The following RIMS1 variants were observed in gnomAD, a reference collection of about 807,000 sequenced individuals.
The protein encoded by RIMS1 is regulating synaptic membrane exocytosis 1.
A neutral mutation model predicts 214.1 loss-of-function variants in RIMS1; 83 were observed. The observed-to-expected ratio is 0.39, with a 90% CI of 0.32 to 0.47. The LOEUF (loss-of-function observed/expected upper bound fraction) is 0.47. Among genes scored for constraint, RIMS1 ranks in the 20% least tolerant of loss-of-function variants. The pLI, the probability that RIMS1 is intolerant of heterozygous loss-of-function variation, is 0.99. For missense variants in RIMS1, 2,050 were observed against 2,161.8 expected (o/e 0.95, Z 1.03); for synonymous variants, 793 against 786.8 (o/e 1.01, Z -0.13).
intron 30 of RIMS1, among the ~76,000 whole-genome samples, chr6:72,392,205 A>G (rs2098713581): frequency 3.3e-5 from 5 of 152,194 alleles, no homozygotes; most frequent in Admixed American, 3.3e-4. Flanking sequence ...TAACCAATTA[A>G]TTTCCATTGG....
intron 2 of RIMS1, among the ~76,000 whole-genome samples, chr6:71,973,610 T>C (rs145107661): frequency 0.018 from 2,798 of 152,266 alleles, 42 homozygotes; most frequent in Non-Finnish European, 0.029. Flanking sequence ...AGTTTATTCC[T>C]ACCAAGATGT....
chr6:71,949,887 T>C (rs754571263), intron 1 of RIMS1, among the ~76,000 whole-genome samples: 24 of 152,166 alleles, frequency 1.6e-4, no homozygotes, highest in Non-Finnish European at 3.2e-4. Context: ...AATGAAAATA[T>C]ATGCCTTCAC....
At chr6:72,340,137 T>C (rs1215319857) in intron 29 of RIMS1, among the ~76,000 whole-genome samples, 1 of 151,890 alleles carries the variant, frequency 6.6e-6, no homozygotes, top group African/African-American at 2.4e-5. Flanking sequence ...GGGTTGTTTG[T>C]TTTTTTCTTG....
rs180679664 is a variant in RIMS1 at position 72,163,549 on chromosome 6, A to C, written c.472-16026A>C. ...TTGGTCTTTGATGATGGTGATGTAT[A>C]AATGGGTTTTTGGTGTGGATGTCCT... On this transcript the variant is annotated intron_variant, in intron 4 of 33. Coordinates refer to ENST00000521978, the MANE Select transcript of RIMS1 (RefSeq NM_014989.7). 1.1e-3 allele frequency among the ~76,000 whole-genome samples: 150 copies of C among 140,716 alleles called. 28 individuals carry two copies. The highest frequency in any genetic ancestry group is 1.8e-3 in the Admixed American group (25 of 13,778). The allele number at this position is 140,716 out of a possible 152,430, so 92.3% of individuals were successfully genotyped here. A position where few individuals can be genotyped will look rare whatever the true frequency, so the allele number is the denominator to read the frequency against.
chr6:72,224,419 A>G (rs1210726942), intron 6 of RIMS1, among the ~76,000 whole-genome samples: 11 of 152,184 alleles, frequency 7.2e-5, no homozygotes, highest in African/African-American at 2.7e-4. Flanking sequence ...GAAGTCATAT[A>G]TTTAAACAGC....
chr6:72,073,546 C>T (rs905790372), intron 2 of RIMS1, among the ~76,000 whole-genome samples: 3 of 152,186 alleles, frequency 2.0e-5, no homozygotes, highest in Admixed American at 1.3e-4. Context: ...TCTATCTCCA[C>T]CATTTTTCTT....
At chr6:72,358,168 GAAAA>G (rs111829494) in intron 29 of RIMS1, among the ~76,000 whole-genome samples, 1 of 142,410 alleles carries the variant, frequency 7.0e-6, no homozygotes, top group Admixed American at 7.0e-5. Flanking sequence ...AGAACAGAAA[GAAAA>G]AAAAAAGGTG....
intron 28 of RIMS1, among the ~76,000 whole-genome samples, chr6:72,324,031 G>GATAA (rs2154321508): frequency 1.4e-5 from 1 of 70,252 alleles, no homozygotes; most frequent in African/African-American, 6.2e-5. Context: ...TGCATGCATA[G>GATAA]ATAGATAGAT....
At chr6:71,992,394 T>C (rs956510978) in intron 2 of RIMS1, among the ~76,000 whole-genome samples, 3 of 98,012 alleles carry the variant, frequency 3.1e-5, no homozygotes, top group Non-Finnish European at 6.0e-5. Context: ...GCTTCTTTCT[T>C]TCTCTCTCTC....
chr6:72,125,993 A>C (rs1379556512), intron 4 of RIMS1, among the ~76,000 whole-genome samples: 2 of 152,166 alleles, frequency 1.3e-5, no homozygotes, highest in Non-Finnish European at 2.9e-5. Flanking sequence ...CGTGGGCTGC[A>C]CCCACTGTCC....
chr6:72,175,987 T>TA (rs2047649408), intron 4 of RIMS1, among the ~76,000 whole-genome samples: 1 of 152,202 alleles, frequency 6.6e-6, no homozygotes, highest in African/African-American at 2.4e-5. Flanking sequence ...AAAATGCAGT[T>TA]ACAGCAAAAG....
rs1425178453 is a variant in RIMS1 at position 72,352,807 on chromosome 6, G to A, written c.4366+18972G>A. On this transcript the variant is annotated intron_variant, in intron 29 of 33. Transcript: ENST00000521978. ...TCTATTAATGACAGTTAATCACATG[G>A]CCAAGCCTAGATGCTGGGGATGGGA... Among the ~76,000 whole-genome samples, 6 of 151,874 alleles carry A rather than the reference G, an allele frequency of 4.0e-5. No homozygotes were observed. In the East Asian group the frequency reaches 1.2e-3, roughly 29 times the overall value.
chr6:71,939,033 T>C (rs952065852), intron 1 of RIMS1, among the ~76,000 whole-genome samples: 1 of 152,170 alleles, frequency 6.6e-6, no homozygotes, highest in African/African-American at 2.4e-5. Flanking sequence ...GAATGCTGAA[T>C]GTTTTGCTGT....
chr6:72,173,475 G>A (rs534174215), intron 4 of RIMS1, among the ~76,000 whole-genome samples: 83 of 149,468 alleles, frequency 5.6e-4, no homozygotes, highest in African/African-American at 1.9e-3. Flanking sequence ...TCTCTCTAAC[G>A]TTTTATCTCT....
intron 4 of RIMS1, chr6:72,126,611 G>A: frequency 5.2e-6 from 1 of 191,182 alleles, no homozygotes; most frequent in Non-Finnish European, 1.1e-5. Flanking sequence ...CAAAACATGG[G>A]CAAAGAATGT....
intron 1 of RIMS1, among the ~76,000 whole-genome samples, chr6:71,959,522 A>G (rs1656189151): frequency 6.6e-6 from 1 of 152,030 alleles, no homozygotes; most frequent in African/African-American, 2.4e-5. Flanking sequence ...AAAACAGAAA[A>G]CTCATAGTTG....
chr6:72,341,211 A>G (rs1054028129), intron 29 of RIMS1, among the ~76,000 whole-genome samples: 2 of 152,032 alleles, frequency 1.3e-5, no homozygotes, highest in Non-Finnish European at 2.9e-5. Context: ...CTAGGTATAC[A>G]ATCATGTCAT....
chr6:72,257,708 C>G lies in RIMS1; in HGVS notation c.2771-417C>G, dbSNP rs6453583. ...ATAATTTATTCTCTAGAATAAAAAT[C>G]GAAATGAAGAATTTATTTAAATTTA... On this transcript the variant is annotated intron_variant, in intron 16 of 33. Transcript: ENST00000521978. Among the ~76,000 whole-genome samples, 30 of 152,072 alleles carry G rather than the reference C, an allele frequency of 2.0e-4. 1 individual carries two copies. Among genetic ancestry groups the G allele is most frequent in the African/African-American group, 6.7e-4 (28 of 41,532 alleles).
rs577069639 is a variant in RIMS1, at chr6:72,226,659, T to C, written c.1679-7114T>C. ...CTACTAAATAATTTTTAAGGTATAATACAAGCTGTCTTCAAGGAAACATTG... is the reference window on the plus strand; with the variant it reads ...CTACTAAATAATTTTTAAGGTATAACACAAGCTGTCTTCAAGGAAACATTG... On this transcript the variant is annotated intron_variant, in intron 6 of 33. Coordinates refer to ENST00000521978, the MANE Select transcript of RIMS1 (RefSeq NM_014989.7). Among the ~76,000 whole-genome samples, 9 of 152,206 alleles carry C rather than the reference T, an allele frequency of 5.9e-5. No homozygotes were observed. In the South Asian group the frequency reaches 1.9e-3, roughly 31 times the overall value.
Sources: allele counts gnomAD v4.1 joint callset (sites outside exome capture counted in the v4.1 genomes callset), GRCh38; gene constraint gnomAD v4.1.1; transcripts MANE v1.5; gene names NCBI Gene and HGNC (gene_info 2026-07-23, HGNC 2026-07-21).